The following LCOR variants were observed in gnomAD, a reference collection of about 807,000 sequenced individuals.
The protein encoded by LCOR is ligand dependent nuclear receptor corepressor, also known as ligand-dependent corepressor.
LCOR carries 14 observed loss-of-function variants against 64.4 expected under a neutral mutation model. The observed-to-expected ratio is 0.22, with a 90% CI of 0.14 to 0.34. LCOR has a LOEUF of 0.34. LCOR is among the 10% of genes least tolerant of loss of function. The pLI is 1.00. For missense variants in LCOR, 1,686 were observed against 1,765.3 expected (o/e 0.96, Z 0.80); for synonymous variants, 643 against 642.5 (o/e 1.00, Z -0.01).
intron 4 of LCOR, among the ~76,000 whole-genome samples, chr10:96,910,989 A>G (rs1233868875): frequency 6.6e-6 from 1 of 152,176 alleles, no homozygotes; most frequent in Non-Finnish European, 1.5e-5. Flanking sequence ...AAATTTTTGA[A>G]CTGCACTTCA....
At chr10:96,929,114 A>G (rs933991226) in intron 4 of LCOR, among the ~76,000 whole-genome samples, 1 of 152,212 alleles carries the variant, frequency 6.6e-6, no homozygotes, top group Non-Finnish European at 1.5e-5. Flanking sequence ...GGAATCGTAA[A>G]TGAGCACTGG....
chr10:96,932,100 A>G (rs1444288910), intron 4 of LCOR, among the ~76,000 whole-genome samples: 1 of 152,200 alleles, frequency 6.6e-6, no homozygotes, highest in Non-Finnish European at 1.5e-5. Flanking sequence ...AATGGCCAGG[A>G]TATCTTAAAG....
chr10:96,958,448 A>G, intron 7 of LCOR: 1 of 1,171,748 alleles, frequency 8.5e-7, no homozygotes, highest in Non-Finnish European at 1.2e-6. Flanking sequence ...TGGTGTGCCT[A>G]CCCTTTAATG....
intron 2 of LCOR, among the ~76,000 whole-genome samples, chr10:96,855,972 G>A (rs546303640): frequency 6.6e-6 from 1 of 151,632 alleles, no homozygotes; most frequent in Non-Finnish European, 1.5e-5. Flanking sequence ...TTGAACTCCC[G>A]ACCTCAGGTG....
chr10:96,873,571 C>CTGTGTGT (rs759335426), intron 2 of LCOR, among the ~76,000 whole-genome samples: 1 of 126,340 alleles, frequency 7.9e-6, no homozygotes, highest in Admixed American at 8.4e-5. Context: ...CACACACACA[C>CTGTGTGT]GTGTGTGTGT....
intron 4 of LCOR, among the ~76,000 whole-genome samples, chr10:96,914,575 C>T (rs893381076): frequency 1.3e-5 from 2 of 152,158 alleles, no homozygotes; most frequent in South Asian, 2.1e-4. Context: ...AAGATACTTT[C>T]GATAAACAAT....
chr10:96,843,257 CTG>C (rs1845572076), intron 2 of LCOR, among the ~76,000 whole-genome samples: 1 of 152,112 alleles, frequency 6.6e-6, no homozygotes, highest in African/African-American at 2.4e-5. Context: ...CCTGGAGTAT[CTG>C]GGAATGCAGC....
At chr10:96,901,560 G>A (rs1018450950) in intron 2 of LCOR, among the ~76,000 whole-genome samples, 2 of 152,156 alleles carry the variant, frequency 1.3e-5, no homozygotes, top group African/African-American at 4.8e-5. Context: ...ACTCAAGTCA[G>A]TAATCAACAT....
chr10:96,966,094 G>A (rs372442833), intron 7 of LCOR, among the ~76,000 whole-genome samples: 12 of 151,026 alleles, frequency 7.9e-5, no homozygotes, highest in African/African-American at 2.4e-4. Context: ...AATTCAGGGG[G>A]CCCTATGTCT....
Position 96,920,677 on chromosome 10 carries a change from TTC to T in LCOR, c.-184+12931_-184+12932del, listed in dbSNP as rs1564626399. Reference sequence around the variant, plus strand: ...GTGTATATATGTATATATGTATATATTCATATATGTGTATATATGTTCATATA... The same window carrying T: ...GTGTATATATGTATATATGTATATATATATATGTGTATATATGTTCATATA... On this transcript the variant is annotated intron_variant, in intron 4 of 7. Coordinates refer to ENST00000421806, the MANE Select transcript of LCOR (RefSeq NM_001346516.2). Among the ~76,000 whole-genome samples, 7 of 143,912 alleles carry T rather than the reference TTC, an allele frequency of 4.9e-5. 1 individual carries two copies. The highest frequency in any genetic ancestry group is 1.7e-4 in the African/African-American group (6 of 36,354). 94.4% of individuals were successfully genotyped at this position (143,912 alleles called of 152,430 possible).
chr10:96,930,436 T>A (rs1847237419), intron 4 of LCOR, among the ~76,000 whole-genome samples: 1 of 152,224 alleles, frequency 6.6e-6, no homozygotes, highest in Non-Finnish European at 1.5e-5. Context: ...GGATTTTGAT[T>A]AGGATTGTAT....
rs146046432 is a variant in LCOR at position 96,985,055 on chromosome 10, G to A, written c.4595G>A (p.Ser1532Asn). The change falls in exon 8 of 8, where the codon AGT (serine) becomes AAT (asparagine). Residue 1532 changes from serine to asparagine, a missense_variant. Around this residue, in one of 3 missense-constraint regions of LCOR, gnomAD observed 1,293 missense variants for 1,410.4 expected, o/e 0.92. Transcript: ENST00000421806. ...ARPSTKTPESSAAQRKRKLKA... is the reference protein window; with the variant it reads ...ARPSTKTPESNAAQRKRKLKA... ...CCCTCAACGAAAACCCCAGAGAGCA[G>A]TGCAGCTCAGAGAAAGCGAAAGCTG... is the stretch of plus-strand genomic sequence containing the variant. 7 of 1,614,024 alleles carry A rather than the reference G, an allele frequency of 4.3e-6. No homozygotes were observed. The African/African-American group carries it at 9.3e-5, about 22-fold the overall frequency.
At chr10:96,947,984 G>A (rs968553078) in intron 5 of LCOR, among the ~76,000 whole-genome samples, 1 of 152,040 alleles carries the variant, frequency 6.6e-6, no homozygotes, top group Non-Finnish European at 1.5e-5. Flanking sequence ...GGTACACAGA[G>A]GTAAACAAAC....
chr10:96,962,477 G>A (rs1037472319), intron 7 of LCOR: 3 of 152,050 alleles, frequency 2.0e-5, no homozygotes, highest in African/African-American at 4.8e-5. Flanking sequence ...TTTAAGTTGT[G>A]GAAGGGTATA....
At chr10:96,934,650 A>T (rs1258542054) in intron 4 of LCOR, among the ~76,000 whole-genome samples, 1 of 152,070 alleles carries the variant, frequency 6.6e-6, no homozygotes, top group African/African-American at 2.4e-5. Context: ...CACCCAGGCT[A>T]GAATGCAGTG....
chr10:96,890,688 T>C (rs957088834), intron 2 of LCOR, among the ~76,000 whole-genome samples: 2 of 152,190 alleles, frequency 1.3e-5, no homozygotes, highest in Non-Finnish European at 2.9e-5. Flanking sequence ...ATGTTAGCTG[T>C]TTCATAACCA....
chr10:96,892,434 A>T (rs1846461164), intron 2 of LCOR, among the ~76,000 whole-genome samples: 1 of 152,074 alleles, frequency 6.6e-6, no homozygotes, highest in African/African-American at 2.4e-5. Flanking sequence ...ACAGTTCTGG[A>T]GGCTGGGAAG....
intron 2 of LCOR, among the ~76,000 whole-genome samples, chr10:96,861,131 C>A (rs997923965): frequency 2.0e-5 from 3 of 152,138 alleles, no homozygotes; most frequent in Non-Finnish European, 2.9e-5. Flanking sequence ...TGGGTATCTT[C>A]TTGTTCTGTA....
At chr10:96,871,933 A>T (rs1214679308) in intron 2 of LCOR, among the ~76,000 whole-genome samples, 2 of 152,218 alleles carry the variant, frequency 1.3e-5, no homozygotes, top group African/African-American at 4.8e-5. Flanking sequence ...CCACTTTCAT[A>T]GAGTCAAGAT....
Sources: gnomAD v4.1 joint callset for allele counts (sites outside exome capture counted in the v4.1 genomes callset) on GRCh38, gnomAD v4.1.1 for gene constraint, gnomAD v4.1.1 regional missense constraint, MANE v1.5 for transcripts, NCBI Gene and HGNC (gene_info 2026-07-23, HGNC 2026-07-21) for gene names.